The following RBM44 variants were observed in gnomAD, a reference collection of about 807,000 sequenced individuals.
RBM44 encodes the protein RNA-binding protein 44.
Under a neutral mutation model 105.1 loss-of-function variants are expected in RBM44, and 66 were observed. That is an observed-to-expected ratio of 0.63 (90% CI 0.52 to 0.77). The LOEUF is 0.77. RBM44 is among the 30% of genes least tolerant of loss of function. RBM44 has a pLI of 0.00. For missense variants in RBM44, 1,122 were observed against 1,207.8 expected, an observed-to-expected ratio of 0.93 and a Z score of 1.05; for synonymous variants, 365 against 417.6, an observed-to-expected ratio of 0.87 and a Z score of 1.54.
At chr2:237,800,602 A>C (rs2061535527) in intron 1 of RBM44, among the ~76,000 whole-genome samples, 1 of 152,194 alleles carries the variant, frequency 6.6e-6, no homozygotes, top group African/African-American at 2.4e-5. Flanking sequence ...ATTTTACTTA[A>C]GTAACGAATG....
chr2:237,819,841 A>G (rs924689161), intron 4 of RBM44, among the ~76,000 whole-genome samples: 3 of 152,032 alleles, frequency 2.0e-5, no homozygotes, highest in South Asian at 4.1e-4. Context: ...AAATCCATTG[A>G]TTCTGGATAA....
rs1169361910 is a variant in RBM44, at chr2:237,818,937, G to A, written c.1714G>A (p.Asp572Asn). ...ATTAAGAAAAGCATGTGGTATCACA[G>A]ACCTAAAGAAACATCCTGAGAGGTA... ...LELRKACGIT[D>N]LKKHPEREFQ... is the part of the protein sequence containing the mutation. Residue 572 changes from aspartate to asparagine, a missense_variant, in exon 4 of 16, where the codon GAC becomes AAC. By Grantham distance (23) the Asp-to-Asn change is conservative (BLOSUM62 1). Coordinates refer to ENST00000316997, the MANE Select transcript of RBM44 (RefSeq NM_001080504.3). This position sits in a 1 kb window ranked among gnomAD's most constrained non-coding sequence, Gnocchi z 4.6. The A allele has an allele frequency of 8.1e-6, 12 of 1,483,698 alleles. No homozygotes were observed. The highest frequency in any genetic ancestry group is 7.0e-5 in the African/African-American group (5 of 71,388). The allele number at this position is 1,483,698 out of a possible 1,614,324, so 91.9% of individuals were successfully genotyped here. A position where few individuals can be genotyped will look rare whatever the true frequency, so the allele number is the denominator to read the frequency against.
intron 8 of RBM44, among the ~76,000 whole-genome samples, chr2:237,823,076 A>G (rs1267479447): frequency 2.0e-5 from 3 of 151,764 alleles, no homozygotes; most frequent in Admixed American, 6.6e-5. Flanking sequence ...TAAATTAAAT[A>G]TATAGCTGTT....
At chr2:237,811,921 C>T (rs2061662762) in intron 1 of RBM44, among the ~76,000 whole-genome samples, 1 of 152,174 alleles carries the variant, frequency 6.6e-6, no homozygotes, top group Admixed American at 6.5e-5. Flanking sequence ...TTAGTGCAAT[C>T]TCAGCTCACT....
chr2:237,826,892 A>G (rs866344612), intron 10 of RBM44, among the ~76,000 whole-genome samples: 3 of 152,136 alleles, frequency 2.0e-5, no homozygotes, highest in Non-Finnish European at 4.4e-5. Context: ...GCCATTTTAC[A>G]TAAGGGACTT....
At chr2:237,812,969 A>G (rs1200599492) in intron 1 of RBM44, among the ~76,000 whole-genome samples, 3 of 152,212 alleles carry the variant, frequency 2.0e-5, no homozygotes. Flanking sequence ...ATAAAAAGTC[A>G]TCATTATTAC....
chr2:237,817,486 C>T lies in RBM44; in HGVS notation c.567C>T (p.His189=). The change falls in exon 3 of 16, where the codon CAC becomes CAT. Residue 189 remains histidine, a synonymous_variant. Coordinates refer to ENST00000316997, the MANE Select transcript of RBM44 (RefSeq NM_001080504.3). ...ATGAAGACTCACAGCAGGAATATCA[C>T]AGTGCAGAAGAACAAGAATACATAA... ...DTDEDSQQEY[H]SAEEQEYISN... is the part of the protein sequence containing the mutation. The T allele has an allele frequency of 6.2e-7, 1 of 1,604,212 alleles. No individual in the cohort carries two copies. Among genetic ancestry groups the T allele is most frequent in the Non-Finnish European group, 8.5e-7 (1 of 1,174,626 alleles).
chr2:237,818,621 A>C lies in RBM44; in HGVS notation c.1677+25A>C, dbSNP rs1199387171. ...GGTAAAATCAATATGAGTAATAATA[A>C]AATTTGGACTTTATAAAGAGACAGT... On this transcript the variant is annotated intron_variant, in intron 3 of 15. Transcript: ENST00000316997. This position sits in a 1 kb window ranked among gnomAD's most constrained non-coding sequence, Gnocchi z 4.6. 2.1e-6 allele frequency: 3 copies of C among 1,422,370 alleles called. No individual in the cohort carries two copies. Among genetic ancestry groups the C allele is most frequent in the Non-Finnish European group, 1.9e-6 (2 of 1,070,328 alleles). The allele number at this position is 1,422,370 out of a possible 1,614,324, so 88.1% of individuals were successfully genotyped here.
intron 13 of RBM44, among the ~76,000 whole-genome samples, chr2:237,832,765 A>G (rs1002821681): frequency 6.6e-6 from 1 of 152,194 alleles, no homozygotes; most frequent in Non-Finnish European, 1.5e-5. Flanking sequence ...ATTGTCTACA[A>G]TGAGAAGCAG....
chr2:237,819,628 A>G (rs1233602538), intron 4 of RBM44, among the ~76,000 whole-genome samples: 1 of 152,044 alleles, frequency 6.6e-6, no homozygotes, highest in Non-Finnish European at 1.5e-5. Flanking sequence ...TCCAAAAACT[A>G]CTAATACTCA....
rs190238213 is a variant in RBM44 at position 237,810,718 on chromosome 2, G to C, written c.-18-2874G>C. On this transcript the variant is annotated intron_variant, in intron 1 of 15. Transcript: ENST00000316997. ...TATTTATGGGTTAGGGAAGTAGAGT[G>C]GTCTAAGGCATGGGGAAAGGTGATT... Among the ~76,000 whole-genome samples the C allele has an allele frequency of 2.1e-3, 323 of 152,292 alleles. 4 individuals are homozygous for C. Among genetic ancestry groups the C allele is most frequent in the Non-Finnish European group, 1.1e-3 (72 of 68,026 alleles).
chr2:237,821,880 T>C, intron 8 of RBM44, 53 bp downstream of exon 8: 1 of 1,197,644 alleles, frequency 8.3e-7, no homozygotes, highest in South Asian at 1.3e-5. Flanking sequence ...ATGGTTTACG[T>C]AAAGTAAATC....
At chr2:237,829,547 A>G (rs1397277340) in intron 13 of RBM44, 45 bp downstream of exon 13, 1 of 1,505,948 alleles carries the variant, frequency 6.6e-7, no homozygotes, top group African/African-American at 1.4e-5. Context: ...TGTACGTCAT[A>G]TTGCTGTAAG....
At chr2:237,799,800 T>G (rs192172803) in intron 1 of RBM44, among the ~76,000 whole-genome samples, 20 of 152,238 alleles carry the variant, frequency 1.3e-4, no homozygotes, top group Middle Eastern at 6.8e-3. Flanking sequence ...TTAGAAAGAT[T>G]ATTCTGGCCA....
At chr2:237,813,274 A>G (rs1229664041) in intron 1 of RBM44, among the ~76,000 whole-genome samples, 2 of 152,310 alleles carry the variant, frequency 1.3e-5, no homozygotes, top group Non-Finnish European at 2.9e-5. Context: ...TTAACCCATG[A>G]GGTAACATAT....
chr2:237,821,191 A>G lies in RBM44; in HGVS notation c.2034A>G (p.Glu678=), dbSNP rs760060556. The part of the protein sequence containing the change: ...KEKIHKGIPL[E]ELPPLSLESK... ...AAATACACAAAGGCATACCACTGGAAGAGCTGCCCCCACTGTCACTAGAAT... is the reference window on the plus strand; with the variant it reads ...AAATACACAAAGGCATACCACTGGAGGAGCTGCCCCCACTGTCACTAGAAT... Residue 678 remains glutamate (E), a synonymous_variant, in exon 6 of 16, where the codon GAA becomes GAG. Transcript: ENST00000316997. 4 of 1,610,550 alleles carry G rather than the reference A, an allele frequency of 2.5e-6. No homozygotes were observed. The highest frequency in any genetic ancestry group is 3.4e-6 in the Non-Finnish European group (4 of 1,178,456).
intron 1 of RBM44, 33 bp from the exon 2 acceptor site, chr2:237,813,559 A>G: frequency 8.7e-7 from 1 of 1,149,090 alleles, no homozygotes; most frequent in South Asian, 1.3e-5. Flanking sequence ...CTTTTTAAGT[A>G]TAATAATAGT....
rs1322632624 is a variant in RBM44, at chr2:237,821,823, C to T, written c.2201C>T (p.Ser734Phe). 3.8e-6 allele frequency: 6 copies of T among 1,597,890 alleles called. No homozygotes were observed. The highest frequency in any genetic ancestry group is 2.2e-5 in the South Asian group (2 of 90,438). The change falls in exon 8 of 16, where the codon TCT becomes TTT. Residue 734 changes from serine to phenylalanine, a missense_variant. Physicochemically the swap from Ser to Phe is radical, Grantham distance 155 (BLOSUM62 -2). Around this residue, in one of 3 missense-constraint regions of RBM44, gnomAD observed 918 missense variants for 955.3 expected, o/e 0.96. Transcript: ENST00000316997. ...TCTTCAAACCTAAAAAAGACACTCTCTCAAGTAAGGGTCCTTGAAAGTTCA... is the reference window on the plus strand; with the variant it reads ...TCTTCAAACCTAAAAAAGACACTCTTTCAAGTAAGGGTCCTTGAAAGTTCA... ...DVSSNLKKTL[S>F]QMSLSSDNSH...
chr2:237,822,816 A>G (rs2061807269), intron 8 of RBM44, among the ~76,000 whole-genome samples: 1 of 152,034 alleles, frequency 6.6e-6, no homozygotes, highest in Admixed American at 6.6e-5. Context: ...GATTTATTTT[A>G]AGTTGAGATT....
Sources: allele counts gnomAD v4.1 joint callset (sites outside exome capture counted in the v4.1 genomes callset), GRCh38; gene constraint gnomAD v4.1.1; regional missense constraint gnomAD v4.1.1; non-coding constraint Gnocchi (gnomAD v3.1); transcripts MANE v1.5; gene names NCBI Gene and HGNC (gene_info 2026-07-23, HGNC 2026-07-21).